Variants in ERVV-2 observed in about 807,000 individuals in gnomAD.
ERVV-2 encodes the protein endogenous retrovirus group V member 2, envelope, also known as endogenous retrovirus group V member 2 Env polyprotein.
For missense variants in ERVV-2, 291 were observed against 495.1 expected, an observed-to-expected ratio of 0.59 and a Z score of 3.91; for synonymous variants, 105 against 184.6, an observed-to-expected ratio of 0.57 and a Z score of 3.49.
intron 1 of ERVV-2, among the ~76,000 whole-genome samples, chr19:53,045,268 T>C (rs1475324034): frequency 6.6e-6 from 1 of 151,958 alleles, no homozygotes. Flanking sequence ...TGGCAGGGAA[T>C]ACGCCTGGCT....
In ERVV-2 at chr19:53,051,005, C is replaced by T. The variant is rs1600778230; in HGVS notation, c.*146C>T. The T allele has an allele frequency of 6.1e-6, 4 of 652,186 alleles. No individual in the cohort carries two copies. The highest frequency in any genetic ancestry group is 9.8e-6 in the Non-Finnish European group (4 of 409,144). 40.4% of individuals were successfully genotyped at this position (652,186 alleles called of 1,614,324 possible). A position where few individuals can be genotyped will look rare whatever the true frequency, so the allele number is the denominator to read the frequency against. ...GGAAATATTAGGGTAGGCAGGTAGG[C>T]AGGCATGAGCAGGCAAGAGAGCCCT... On this transcript the variant is annotated 3_prime_UTR_variant, in exon 2 of 2. Coordinates refer to ENST00000601417, the MANE Select transcript of ERVV-2 (RefSeq NM_001191055.2).
At chr19:53,046,949 C>T (rs1329684564) in intron 1 of ERVV-2, among the ~76,000 whole-genome samples, 3 of 152,208 alleles carry the variant, frequency 2.0e-5, no homozygotes, top group South Asian at 2.1e-4. Context: ...GGGCAGATCA[C>T]GAGGTCGGGA....
intron 1 of ERVV-2, among the ~76,000 whole-genome samples, chr19:53,045,664 C>A (rs1253424837): frequency 6.6e-6 from 1 of 152,090 alleles, no homozygotes; most frequent in Non-Finnish European, 1.5e-5. Context: ...CATTCATGGC[C>A]GTTCACTCCC....
intron 1 of ERVV-2, among the ~76,000 whole-genome samples, chr19:53,046,235 C>T (rs1394458870): frequency 6.6e-6 from 1 of 152,028 alleles, no homozygotes; most frequent in Non-Finnish European, 1.5e-5. Context: ...GCACTCCAGC[C>T]TGGGCAACAA....
In ERVV-2 at chr19:53,050,768, T is replaced by C; in HGVS notation, c.1517T>C (p.Val506Ala). The change falls in exon 2 of 2, where the codon GTC (valine) becomes GCC (alanine). Residue 506 changes from valine to alanine, a missense_variant. Physicochemically the swap from Val to Ala is moderately conservative, Grantham distance 64 (BLOSUM62 0). Coordinates refer to ENST00000601417, the MANE Select transcript of ERVV-2 (RefSeq NM_001191055.2). ...SPQMERYQLS[V>A]IGGPSTYKHI... The stretch of plus-strand genomic sequence containing the variant: ...CAAATGGAAAGATATCAGCTATCTG[T>C]CATTGGAGGCCCCAGCACCTATAAG... 6.5e-7 allele frequency: 1 copy of C among 1,536,134 alleles called. No individual in the cohort carries two copies. Among genetic ancestry groups the C allele is most frequent in the African/African-American group, 1.4e-5 (1 of 73,164 alleles).
chr19:53,049,096 G>C lies in ERVV-2; in HGVS notation c.-156G>C, dbSNP rs1010900011. ...GGGAATCTTGGTTGCGGTGGCATTG[G>C]TTCTTCTCCTTATTTTGACCCAACT... On this transcript the variant is annotated 5_prime_UTR_variant, in exon 2 of 2. Transcript: ENST00000601417. 2.5e-6 allele frequency: 2 copies of C among 793,666 alleles called. No homozygotes were observed. Among genetic ancestry groups the C allele is most frequent in the Non-Finnish European group, 3.9e-6 (2 of 516,922 alleles). The allele number at this position is 793,666 out of a possible 1,614,324, so 49.2% of individuals were successfully genotyped here.
In ERVV-2 at chr19:53,049,297, C is replaced by T. The variant is rs1342674454; in HGVS notation, c.46C>T (p.Pro16Ser). ...LFLYLSLLPM[P>S]LLSQAQWNEN... ...CCTTTATCTTTCCCTCCTTCCCATGCCCCTACTCTCACAGGCACAGTGGAA... is the reference window on the plus strand; with the variant it reads ...CCTTTATCTTTCCCTCCTTCCCATGTCCCTACTCTCACAGGCACAGTGGAA... The change falls in exon 2 of 2, where the codon CCC becomes TCC. Residue 16 changes from proline to serine, a missense_variant. Pro to Ser is a moderately conservative substitution (Grantham distance 74). Transcript: ENST00000601417. 8 of 1,084,926 alleles carry T rather than the reference C, an allele frequency of 7.4e-6. No individual in the cohort carries two copies. In the South Asian group the frequency reaches 1.2e-4, roughly 16 times the overall value. The allele number at this position is 1,084,926 out of a possible 1,614,324, so 67.2% of individuals were successfully genotyped here. A position where few individuals can be genotyped will look rare whatever the true frequency, so the allele number is the denominator to read the frequency against.
At chr19:53,045,171 G>A (rs1055084109) in intron 1 of ERVV-2, among the ~76,000 whole-genome samples, 1 of 152,194 alleles carries the variant, frequency 6.6e-6, no homozygotes, top group Non-Finnish European at 1.5e-5. Context: ...ACCCTGAGGG[G>A]TGATAAGCAG....
intron 1 of ERVV-2, among the ~76,000 whole-genome samples, chr19:53,045,795 G>A (rs1215506701): frequency 1.3e-5 from 2 of 152,116 alleles, no homozygotes; most frequent in Admixed American, 1.3e-4. Context: ...GCCTCTTGCA[G>A]GGCCTGTTTA....
At chr19:53,045,317 G>A (rs947331484) in intron 1 of ERVV-2, among the ~76,000 whole-genome samples, 97 of 122,680 alleles carry the variant, frequency 7.9e-4, no homozygotes, top group African/African-American at 2.8e-3. Context: ...TTTTTGTGGG[G>A]GGGAGGACAG....
chr19:53,045,350 T>C (rs2083886862), intron 1 of ERVV-2, among the ~76,000 whole-genome samples: 1 of 152,002 alleles, frequency 6.6e-6, no homozygotes, highest in South Asian at 2.1e-4. Flanking sequence ...TCGCCCAGGC[T>C]GGAGCGCAGT....
At chr19:53,045,688 G>A (rs2083888295) in intron 1 of ERVV-2, among the ~76,000 whole-genome samples, 1 of 151,990 alleles carries the variant, frequency 6.6e-6, no homozygotes, top group South Asian at 2.1e-4. Context: ...AACACCATAT[G>A]CCCCCACCGT....
At position 53,050,826 on chromosome 19, in the gene ERVV-2, A is replaced by G; in HGVS notation, c.1575A>G (p.Arg525=). The change falls in exon 2 of 2, where the codon AGA becomes AGG. Residue 525 remains arginine, a synonymous_variant. Coordinates refer to ENST00000601417, the MANE Select transcript of ERVV-2 (RefSeq NM_001191055.2). ...CCCCCTTGGATGCCAGTGGGCAAAG[A>G]TTCCGGGAAACTATGGAGGAATTTT... ...HISPLDASGQ[R]FRETMEEFSL 2 of 1,534,364 alleles carry G rather than the reference A, an allele frequency of 1.3e-6. No homozygotes were observed. Among genetic ancestry groups the G allele is most frequent in the Non-Finnish European group, 1.7e-6 (2 of 1,146,322 alleles).
intron 1 of ERVV-2, among the ~76,000 whole-genome samples, chr19:53,045,624 A>G (rs1308167242): frequency 2.6e-5 from 4 of 152,118 alleles, no homozygotes; most frequent in South Asian, 4.2e-4. Flanking sequence ...TAAAACTACA[A>G]TCCGGTGTTA....
At position 53,048,920 on chromosome 19, in the gene ERVV-2, T is replaced by C. The variant is rs1489488640; in HGVS notation, c.-332T>C. On this transcript the variant is annotated 5_prime_UTR_variant, in exon 2 of 2. Coordinates refer to ENST00000601417, the MANE Select transcript of ERVV-2 (RefSeq NM_001191055.2). ...GATACATCAGTCTCAAGTGAAACTG[T>C]GGGAAGGTCCCGAAGAACCACAGAA... 1 of 482,832 alleles carries C rather than the reference T, an allele frequency of 2.1e-6. No individual in the cohort carries two copies. The highest frequency in any genetic ancestry group is 3.7e-6 in the Non-Finnish European group (1 of 269,482). 29.9% of individuals were successfully genotyped at this position (482,832 alleles called of 1,614,324 possible).
At chr19:53,046,955 C>A (rs960590697) in intron 1 of ERVV-2, among the ~76,000 whole-genome samples, 1 of 152,038 alleles carries the variant, frequency 6.6e-6, no homozygotes, top group South Asian at 2.1e-4. Flanking sequence ...ATCACGAGGT[C>A]GGGAGTTTGA....
At position 53,050,084 on chromosome 19, in the gene ERVV-2, C is replaced by T. The variant is rs1327624045; in HGVS notation, c.833C>T (p.Pro278Leu). ...AGTCCTAAGATAACCTATTCAACCCCCCCTGTGGCAAACCTCTACACTTGC... is the reference window on the plus strand; with the variant it reads ...AGTCCTAAGATAACCTATTCAACCCTCCCTGTGGCAAACCTCTACACTTGC... The part of the protein sequence containing the change: ...DGSPKITYST[P>L]PVANLYTCIN... Residue 278 changes from proline to leucine, a missense_variant, in exon 2 of 2, where the codon CCC becomes CTC. Pro to Leu is a moderately conservative substitution (Grantham distance 98). Transcript: ENST00000601417. 8.8e-6 allele frequency: 13 copies of T among 1,471,292 alleles called. 3 individuals carry two copies. The Admixed American group carries it at 2.7e-4, about 31-fold the overall frequency. The allele number at this position is 1,471,292 out of a possible 1,614,324, so 91.1% of individuals were successfully genotyped here. A position where few individuals can be genotyped will look rare whatever the true frequency, so the allele number is the denominator to read the frequency against.
In ERVV-2 at chr19:53,050,602, C is replaced by T. The variant is rs755802085; in HGVS notation, c.1351C>T (p.Leu451Phe). ...CATCTGGGAGGCTGTGAAGTCTGCC[C>T]TCCCCTCCCTCAACTGGTTTGTCCC... is the stretch of plus-strand genomic sequence containing the variant. ...RAIWEAVKSA[L>F]PSLNWFVPLL... is the part of the protein sequence containing the mutation. Residue 451 changes from leucine to phenylalanine, a missense_variant, in exon 2 of 2, where the codon CTC becomes TTC. Leu to Phe is a conservative substitution (Grantham distance 22). Transcript: ENST00000601417. The T allele has an allele frequency of 1.6e-5, 18 of 1,093,884 alleles. No homozygotes were observed. Among genetic ancestry groups the T allele is most frequent in the South Asian group, 9.3e-5 (7 of 75,314 alleles). The allele number at this position is 1,093,884 out of a possible 1,614,324, so 67.8% of individuals were successfully genotyped here. A position where few individuals can be genotyped will look rare whatever the true frequency, so the allele number is the denominator to read the frequency against.
At chr19:53,047,462 C>T (rs2083895671) in intron 1 of ERVV-2, among the ~76,000 whole-genome samples, 1 of 152,244 alleles carries the variant, frequency 6.6e-6, no homozygotes, top group Non-Finnish European at 1.5e-5. Context: ...GAACTACTCT[C>T]ATGGCAGACA....
Sources: allele counts gnomAD v4.1 joint callset (sites outside exome capture counted in the v4.1 genomes callset), GRCh38; gene constraint gnomAD v4.1.1; transcripts MANE v1.5; gene names NCBI Gene and HGNC (gene_info 2026-07-23, HGNC 2026-07-21).